DNAJC13: variants seen among roughly 807,000 people sequenced by gnomAD.
DNAJC13 encodes the protein dnaJ homolog subfamily C member 13.
In DNAJC13, 75 loss-of-function variants were observed where a neutral mutation model predicts 290.5. That is an observed-to-expected ratio of 0.26 (90% CI 0.21 to 0.31). DNAJC13 has a LOEUF of 0.31. DNAJC13 is among the 10% of genes least tolerant of loss of function. The probability of loss-of-function intolerance (pLI) is 1.00; values close to 1 mark genes in which losing one functional copy is unlikely to be tolerated. For synonymous variants in DNAJC13, 862 were observed against 892.0 expected, an observed-to-expected ratio of 0.97 and a Z score of 0.60; for missense variants, 2,260 against 2,674.5, an observed-to-expected ratio of 0.85 and a Z score of 3.42.
intron 48 of DNAJC13, among the ~76,000 whole-genome samples, chr3:132,519,764 A>G (rs142984786): frequency 1.3e-5 from 2 of 152,260 alleles, no homozygotes; most frequent in African/African-American, 4.8e-5. Context: ...GTTAATTTTT[A>G]TCCATGGTGT....
Position 132,473,830 on chromosome 3 carries a change from T to G in DNAJC13, c.2291+603T>G, listed in dbSNP as rs773261963. On this transcript the variant is annotated intron_variant, in intron 21 of 55. Transcript: ENST00000260818. ...AAAGAAAAATATGTCCTTTGAAAAC[T>G]CCCCCACACTACTTTTAAAGTATAC... Among the ~76,000 whole-genome samples, 176 of 152,120 alleles carry G rather than the reference T, an allele frequency of 1.2e-3. 1 individual carries two copies. The highest frequency in any genetic ancestry group is 1.5e-3 in the Non-Finnish European group (103 of 68,020).
intron 20 of DNAJC13, 150 bp downstream of exon 20, chr3:132,467,463 T>TTTTA (rs1184926020): frequency 2.9e-6 from 2 of 684,256 alleles, no homozygotes; most frequent in Non-Finnish European, 4.5e-6. Context: ...TTCTTTTTTA[T>TTTTA]TTTATTTATT....
chr3:132,440,826 G>A lies in DNAJC13; in HGVS notation c.69-5649G>A, dbSNP rs551553504. 3.3e-5 allele frequency among the ~76,000 whole-genome samples: 5 copies of A among 152,272 alleles called. No homozygotes were observed. The South Asian group carries it at 6.2e-4, about 19-fold the overall frequency. On this transcript the variant is annotated intron_variant, in intron 2 of 55. Transcript: ENST00000260818. The stretch of plus-strand genomic sequence containing the variant: ...TGTATTATCCATATCTTTCAGTCGA[G>A]GAAACCAAAGCTTAGAGAAGTTAAG...
chr3:132,538,084 G>A (rs1319161228), intron 55 of DNAJC13, 92 bp from the exon 56 acceptor site: 1 of 890,330 alleles, frequency 1.1e-6, no homozygotes, highest in Non-Finnish European at 1.8e-6. Flanking sequence ...TTGTGTGATG[G>A]AGTGCCTGAG....
intron 1 of DNAJC13, among the ~76,000 whole-genome samples, chr3:132,421,115 TATAAG>T (rs1938947621): frequency 6.6e-6 from 1 of 152,214 alleles, no homozygotes; most frequent in Admixed American, 6.5e-5. Flanking sequence ...GAAAAAAAGT[TATAAG>T]ATGGAGTGGA....
chr3:132,453,568 T>TATTA, intron 7 of DNAJC13, 31 bp from the exon 8 acceptor site: 2 of 1,607,630 alleles, frequency 1.2e-6, no homozygotes, highest in Non-Finnish European at 8.5e-7. Context: ...AAAAATAACT[T>TATTA]CTTAATATGT....
chr3:132,456,408 A>G lies in DNAJC13; in HGVS notation c.1099+7A>G. On this transcript the variant is annotated splice_region_variant and intron_variant, in intron 10 of 55. Coordinates refer to ENST00000260818, the MANE Select transcript of DNAJC13 (RefSeq NM_015268.4). ...TTCTTAGCTACGCCTCCAAGTAAGT[A>G]TTGATTTAAATGTAATTACATTTCC... The G allele has an allele frequency of 4.3e-6, 7 of 1,611,848 alleles. No individual in the cohort carries two copies. Among genetic ancestry groups the G allele is most frequent in the Non-Finnish European group, 5.9e-6 (7 of 1,179,306 alleles).
At chr3:132,494,599 T>C (rs1935171692) in intron 34 of DNAJC13, among the ~76,000 whole-genome samples, 1 of 152,176 alleles carries the variant, frequency 6.6e-6, no homozygotes, top group African/African-American at 2.4e-5. Flanking sequence ...GGAAGAGATT[T>C]GATAGCAATA....
chr3:132,460,257 A>G lies in DNAJC13; in HGVS notation c.1457A>G (p.His486Arg). ...TTTTTTTTTCATCAATAGCCCATGC[A>G]TGATGACTATGACTTAAGACAAGAA... ...DMLCALMCPMHDDYDLRQEQL... is the reference protein window; with the variant it reads ...DMLCALMCPMRDDYDLRQEQL... Residue 486 changes from histidine (H) to arginine (R), a missense_variant, in exon 14 of 56, where the codon CAT (histidine) becomes CGT (arginine). Transcript: ENST00000260818. The G allele has an allele frequency of 6.2e-7, 1 of 1,604,956 alleles. No individual in the cohort carries two copies. Among genetic ancestry groups the G allele is most frequent in the Non-Finnish European group, 8.5e-7 (1 of 1,174,600 alleles).
At chr3:132,497,799 G>C (rs990463845) in intron 36 of DNAJC13, among the ~76,000 whole-genome samples, 8 of 151,994 alleles carry the variant, frequency 5.3e-5, no homozygotes, top group African/African-American at 1.9e-4. Context: ...CTGAGGTGGA[G>C]GTCCTGATCT....
chr3:132,452,096 T>C (rs72992335), intron 6 of DNAJC13, among the ~76,000 whole-genome samples: 269 of 152,326 alleles, frequency 1.8e-3, no homozygotes, highest in African/African-American at 6.1e-3. Context: ...TAAAGATACC[T>C]GATTACAAGA....
In DNAJC13 at chr3:132,472,506, A is replaced by T. The variant is rs898413883; in HGVS notation, c.2209-639A>T. 9.5e-6 allele frequency: 9 copies of T among 948,434 alleles called. No individual in the cohort carries two copies. In the African/African-American group the frequency reaches 1.6e-4, roughly 17 times the overall value. The allele number at this position is 948,434 out of a possible 1,614,324, so 58.8% of individuals were successfully genotyped here. A position where few individuals can be genotyped will look rare whatever the true frequency, so the allele number is the denominator to read the frequency against. On this transcript the variant is annotated intron_variant, in intron 20 of 55. Transcript: ENST00000260818. The stretch of plus-strand genomic sequence containing the variant: ...GATATAATTTAGCAGATCTAGGCTC[A>T]TTCTCTTTTTATTTTCTTTAACTTT...
In DNAJC13 at chr3:132,502,305, C is replaced by T. The variant is rs773650350; in HGVS notation, c.4553C>T (p.Ala1518Val). 3.1e-6 allele frequency: 5 copies of T among 1,611,652 alleles called. No homozygotes were observed. Among genetic ancestry groups the T allele is most frequent in the Non-Finnish European group, 4.2e-6 (5 of 1,179,420 alleles). ...TTCTCTCAGAGTATTCCCCGCGTAGCTGCTCTTGGGGTAGAATGTGTCAGT... is the reference window on the plus strand; with the variant it reads ...TTCTCTCAGAGTATTCCCCGCGTAGTTGCTCTTGGGGTAGAATGTGTCAGT... ...LYFGKSIPRV[A>V]ALGVECVSSF... Residue 1518 changes from alanine (A) to valine (V), a missense_variant, in exon 40 of 56, where the codon GCT (alanine) becomes GTT (valine). Ala to Val is a moderately conservative substitution (Grantham distance 64, BLOSUM62 0). Around this residue, in one of 3 missense-constraint regions of DNAJC13, gnomAD observed 1,494 missense variants for 1,693.7 expected, o/e 0.88. Coordinates refer to ENST00000260818, the MANE Select transcript of DNAJC13 (RefSeq NM_015268.4).
intron 1 of DNAJC13, among the ~76,000 whole-genome samples, chr3:132,427,139 T>C (rs1237778006): frequency 2.8e-5 from 4 of 143,676 alleles, no homozygotes; most frequent in African/African-American, 1.1e-4. Context: ...ATATATTTTT[T>C]TTTTTTTTTT....
intron 1 of DNAJC13, among the ~76,000 whole-genome samples, chr3:132,422,196 T>C (rs1938980481): frequency 6.6e-6 from 1 of 151,660 alleles, no homozygotes; most frequent in Non-Finnish European, 1.5e-5. Flanking sequence ...CAGCTAACTT[T>C]TTTTTATTAT....
At chr3:132,510,088 A>G (rs796567274) in intron 43 of DNAJC13, among the ~76,000 whole-genome samples, 4 of 152,238 alleles carry the variant, frequency 2.6e-5, no homozygotes, top group African/African-American at 9.6e-5. Flanking sequence ...GCTTTTTCTT[A>G]TATTTTGTGC....
Position 132,525,815 on chromosome 3 carries a change from T to A in DNAJC13, c.6240+26T>A, listed in dbSNP as rs566858499. 132 of 1,604,628 alleles carry A rather than the reference T, an allele frequency of 8.2e-5. 3 individuals are homozygous for A. In the South Asian group the frequency reaches 1.4e-3, roughly 17 times the overall value. On this transcript the variant is annotated intron_variant, in intron 52 of 55. Transcript: ENST00000260818. ...GTATTGATGAATACACTTAGTAGTT[T>A]ATAAGCTCCAGAATTTATCTATGCT...
intron 36 of DNAJC13, among the ~76,000 whole-genome samples, 166 bp from the exon 37 acceptor site, chr3:132,498,960 C>T (rs899637483): frequency 6.6e-6 from 1 of 152,146 alleles, no homozygotes; most frequent in East Asian, 1.9e-4. Context: ...TCGTGATCCA[C>T]CCACCTTGGC....
chr3:132,496,542 A>C lies in DNAJC13; in HGVS notation c.4035A>C (p.Lys1345Asn), dbSNP rs1363301745. The change falls in exon 36 of 56, where the codon AAA becomes AAC. Residue 1345 changes from lysine to asparagine, a missense_variant. Lys to Asn is a moderately conservative substitution (Grantham distance 94, BLOSUM62 0). This residue lies in a region of DNAJC13 where 1,494 missense variants were observed against 1,693.7 expected (regional missense o/e 0.88). Transcript: ENST00000260818. ...KNPEGRDMFE[K>N]VNKAYEFLCT... ...GTTACATACAGGACATGTTTGAAAA[A>C]GTAAATAAAGCATATGAATTTTTAT... The C allele has an allele frequency of 8.1e-6, 13 of 1,601,576 alleles. No homozygotes were observed. The highest frequency in any genetic ancestry group is 1.0e-5 in the Non-Finnish European group (12 of 1,174,250).
Sources: gnomAD v4.1 joint callset for allele counts (sites outside exome capture counted in the v4.1 genomes callset) on GRCh38, gnomAD v4.1.1 for gene constraint, gnomAD v4.1.1 regional missense constraint, MANE v1.5 for transcripts, NCBI Gene and HGNC (gene_info 2026-07-23, HGNC 2026-07-21) for gene names.